Variants in IQSEC1 observed in about 807,000 individuals in gnomAD.
IQSEC1 encodes the protein IQ motif and SEC7 domain-containing protein 1.
In IQSEC1, 31 loss-of-function variants were observed where a neutral mutation model predicts 91.0. The ratio of observed to expected loss-of-function variants is 0.34; its 90% CI spans 0.26 to 0.46. IQSEC1 has a LOEUF of 0.46. IQSEC1 is among the 20% of genes least tolerant of loss of function. The pLI, the probability that IQSEC1 is intolerant of heterozygous loss-of-function variation, is 1.00. For missense variants in IQSEC1, 1,388 were observed against 1,575.6 expected (o/e 0.88, Z 2.02); for synonymous variants, 699 against 662.6 (o/e 1.05, Z -0.84).
chr3:13,114,792 CAA>C (rs11462232), intron 2 of IQSEC1, among the ~76,000 whole-genome samples: 12 of 90,318 alleles, frequency 1.3e-4, no homozygotes, highest in Admixed American at 1.2e-4. Context: ...GACATCGTCT[CAA>C]AAAAAAAAAA....
chr3:13,117,569 CAAAAAAAAA>C (rs34002295), intron 2 of IQSEC1, among the ~76,000 whole-genome samples: 2 of 9,458 alleles, frequency 2.1e-4, no homozygotes, highest in Non-Finnish European at 3.6e-4. Flanking sequence ...GACTCCGTCT[CAAAAAAAAA>C]AAAAAAAAAA....
At chr3:12,916,803 AC>A (rs1429480029) in intron 6 of IQSEC1, among the ~76,000 whole-genome samples, 2 of 152,236 alleles carry the variant, frequency 1.3e-5, no homozygotes, top group Admixed American at 6.5e-5. Context: ...ACGACAGACT[AC>A]TTACTACGCA....
chr3:13,262,259 C>T, intron 1 of IQSEC1, among the ~76,000 whole-genome samples: 1 of 152,224 alleles, frequency 6.6e-6, no homozygotes, highest in East Asian at 1.9e-4. Context: ...TCTTCTTCCT[C>T]AGCAGGATGA....
chr3:13,015,834 G>T, intron 1 of IQSEC1: 1 of 411,044 alleles, frequency 2.4e-6, no homozygotes, highest in African/African-American at 2.2e-5. Context: ...AACCCAAATG[G>T]CTTCACTGGG....
intron 1 of IQSEC1, among the ~76,000 whole-genome samples, chr3:13,253,180 A>G (rs373503580): frequency 1.1e-4 from 17 of 152,296 alleles, no homozygotes; most frequent in African/African-American, 4.1e-4. Context: ...TTAAACCCCC[A>G]ATAGCCCTAT....
chr3:12,971,944 C>A (rs181741416), intron 1 of IQSEC1, among the ~76,000 whole-genome samples: 253 of 151,566 alleles, frequency 1.7e-3, no homozygotes, highest in Non-Finnish European at 3.0e-3. Context: ...ATCACTTGAA[C>A]GCAGGAGGCA....
At chr3:12,975,203 C>T (rs1002036572) in intron 1 of IQSEC1, among the ~76,000 whole-genome samples, 7 of 152,212 alleles carry the variant, frequency 4.6e-5, no homozygotes, top group Non-Finnish European at 1.0e-4. Context: ...GCACCTTGTA[C>T]GGGGGCAAAA....
chr3:13,244,782 A>T (rs892259463), intron 1 of IQSEC1, among the ~76,000 whole-genome samples: 6 of 152,172 alleles, frequency 3.9e-5, no homozygotes, highest in Admixed American at 3.3e-4. Flanking sequence ...TAGACCTGCC[A>T]GCCATTGACC....
intron 2 of IQSEC1, among the ~76,000 whole-genome samples, chr3:13,117,857 C>T (rs1036880468): frequency 1.3e-5 from 2 of 152,122 alleles, no homozygotes; most frequent in African/African-American, 2.4e-5. Flanking sequence ...TGCACTCCAG[C>T]CTAGCTGACA....
At chr3:13,182,097 G>A (rs1192528959) in intron 1 of IQSEC1, among the ~76,000 whole-genome samples, 1 of 152,242 alleles carries the variant, frequency 6.6e-6, no homozygotes, top group Admixed American at 6.5e-5. Flanking sequence ...ACCACTCATG[G>A]TCTGCAGAGC....
chr3:13,132,449 G>C (rs2125036), intron 2 of IQSEC1, among the ~76,000 whole-genome samples: 43,266 of 152,064 alleles, frequency 0.28, 6,324 homozygotes, highest in South Asian at 0.47. Context: ...GTACTCAGCT[G>C]AATACTCAGA....
intron 1 of IQSEC1, among the ~76,000 whole-genome samples, chr3:13,064,445 G>C (rs1433167957): frequency 1.3e-5 from 2 of 152,190 alleles, no homozygotes; most frequent in African/African-American, 4.8e-5. Context: ...AAATAATTTA[G>C]AATAAAATAA....
intron 2 of IQSEC1, among the ~76,000 whole-genome samples, chr3:13,079,461 T>C (rs888211541): frequency 1.3e-5 from 2 of 152,138 alleles, no homozygotes; most frequent in African/African-American, 4.8e-5. Flanking sequence ...GGTTGCCGCT[T>C]CTTTAATCTC....
chr3:13,109,503 G>A (rs911917250), intron 2 of IQSEC1, among the ~76,000 whole-genome samples: 1 of 152,158 alleles, frequency 6.6e-6, no homozygotes, highest in Non-Finnish European at 1.5e-5. Context: ...CAAATCTCAT[G>A]TTGAAATGTC....
rs923799251 is a variant in IQSEC1, at chr3:13,089,491, G to A, written c.303-41969C>T. Reference sequence around the variant, plus strand: ...TCCCAGCTACTTAGGAGGCTGAGGTGGGAGGATCCCTTGAGCCCAGGAGGT... The same window carrying A: ...TCCCAGCTACTTAGGAGGCTGAGGTAGGAGGATCCCTTGAGCCCAGGAGGT... On this transcript the variant is annotated intron_variant, in intron 2 of 15. Transcript: ENST00000648114. Among the ~76,000 whole-genome samples, 10 of 152,024 alleles carry A rather than the reference G, an allele frequency of 6.6e-5. No homozygotes were observed. In the South Asian group the frequency reaches 2.1e-3, roughly 32 times the overall value.
At chr3:13,253,187 C>G (rs1175052892) in intron 1 of IQSEC1, among the ~76,000 whole-genome samples, 1 of 152,192 alleles carries the variant, frequency 6.6e-6, no homozygotes, top group Non-Finnish European at 1.5e-5. Context: ...CCCAATAGCC[C>G]TATAGGATAG....
intron 1 of IQSEC1, among the ~76,000 whole-genome samples, chr3:13,221,250 G>A (rs9874088): frequency 0.18 from 28,094 of 152,088 alleles, 3,540 homozygotes; most frequent in African/African-American, 0.34. Flanking sequence ...TTTTCCTGAG[G>A]GTGGACACAG....
intron 2 of IQSEC1, among the ~76,000 whole-genome samples, chr3:13,128,414 T>C (rs543648888): frequency 2.6e-5 from 4 of 152,368 alleles, no homozygotes; most frequent in African/African-American, 9.6e-5. Context: ...GTCATAGATA[T>C]AATGAATCAT....
At chr3:12,902,997 G>A (rs537956761) in intron 12 of IQSEC1, among the ~76,000 whole-genome samples, 175 bp from the exon 13 acceptor site, 45 of 152,286 alleles carry the variant, frequency 3.0e-4, no homozygotes, top group Admixed American at 6.5e-5. Flanking sequence ...GGCTCAGTGG[G>A]GAAGCCAGCA....
Sources: allele counts gnomAD v4.1 joint callset (sites outside exome capture counted in the v4.1 genomes callset), GRCh38; gene constraint gnomAD v4.1.1; transcripts MANE v1.5; gene names NCBI Gene and HGNC (gene_info 2026-07-23, HGNC 2026-07-21).